The following MTUS2 variants were observed in gnomAD, a reference collection of about 807,000 sequenced individuals.
The protein encoded by MTUS2 is microtubule-associated tumor suppressor candidate 2.
MTUS2 carries 40 observed loss-of-function variants against 114.1 expected under a neutral mutation model. The ratio of observed to expected loss-of-function variants is 0.35; its 90% confidence interval spans 0.27 to 0.46. The LOEUF is 0.46. MTUS2 is among the 20% of genes least tolerant of loss of function. MTUS2 has a pLI of 1.00. For missense variants in MTUS2, 1,679 were observed against 1,705.4 expected, an observed-to-expected ratio of 0.98 and a Z score of 0.27; for synonymous variants, 688 against 672.0, an observed-to-expected ratio of 1.02 and a Z score of -0.37.
intron 7 of MTUS2, among the ~76,000 whole-genome samples, chr13:29,339,220 C>A (rs1158668140): frequency 1.3e-5 from 2 of 152,152 alleles, no homozygotes; most frequent in Non-Finnish European, 2.9e-5. Flanking sequence ...CGGCGTACTT[C>A]CTGCAGTAGG....
intron 4 of MTUS2, among the ~76,000 whole-genome samples, chr13:29,059,626 G>C (rs1480964848): frequency 6.6e-6 from 1 of 152,186 alleles, no homozygotes; most frequent in Admixed American, 6.5e-5. Context: ...CAAGGCAATA[G>C]GAGGCTGTGC....
intron 2 of MTUS2, among the ~76,000 whole-genome samples, chr13:28,930,164 C>T (rs1881538675): frequency 6.6e-6 from 1 of 152,214 alleles, no homozygotes; most frequent in Admixed American, 6.5e-5. Context: ...TCTTTAGCCT[C>T]ACATAGTAAA....
At chr13:29,222,506 T>C (rs570721801) in intron 5 of MTUS2, among the ~76,000 whole-genome samples, 5 of 152,384 alleles carry the variant, frequency 3.3e-5, no homozygotes, top group Admixed American at 6.5e-5. Context: ...TCTTTTCTTT[T>C]TCAAGTGAAT....
intron 5 of MTUS2, among the ~76,000 whole-genome samples, chr13:29,126,207 C>T (rs975481890): frequency 2.0e-5 from 3 of 152,138 alleles, no homozygotes; most frequent in Admixed American, 6.6e-5. Context: ...TGAGAACCCA[C>T]GGGGAGGAGG....
chr13:29,155,520 G>A (rs1892823052), intron 5 of MTUS2, among the ~76,000 whole-genome samples: 1 of 152,168 alleles, frequency 6.6e-6, no homozygotes, highest in African/African-American at 2.4e-5. Flanking sequence ...AGAGCAGGGT[G>A]GAGAGAAAGT....
chr13:29,457,224 G>T (rs1477358703), intron 9 of MTUS2, among the ~76,000 whole-genome samples: 1 of 151,794 alleles, frequency 6.6e-6, no homozygotes, highest in Non-Finnish European at 1.5e-5. Context: ...TTTGGGCTAT[G>T]AATACATCTA....
chr13:28,977,936 C>T (rs1475117), intron 2 of MTUS2, among the ~76,000 whole-genome samples: 26,654 of 152,174 alleles, frequency 0.18, 2,886 homozygotes, highest in East Asian at 0.51. Context: ...GTAATACATA[C>T]ACTGTCTCTT....
intron 2 of MTUS2, among the ~76,000 whole-genome samples, chr13:29,007,829 A>T (rs9506074): frequency 1.3e-5 from 2 of 152,136 alleles, no homozygotes; most frequent in African/African-American, 4.8e-5. Flanking sequence ...TGTTTATGTT[A>T]TCCATAAGGC....
intron 2 of MTUS2, among the ~76,000 whole-genome samples, chr13:28,974,164 G>A (rs1263648500): frequency 5.3e-5 from 8 of 152,192 alleles, no homozygotes; most frequent in South Asian, 2.1e-4. Flanking sequence ...GTAAGTTTCC[G>A]TGGTGGGCTC....
intron 5 of MTUS2, among the ~76,000 whole-genome samples, chr13:29,134,875 C>T (rs768028972): frequency 2.0e-5 from 3 of 152,160 alleles, no homozygotes; most frequent in Non-Finnish European, 4.4e-5. Flanking sequence ...TGTGAGCCAC[C>T]GTACCCGGCC....
In MTUS2 at chr13:29,492,635, CT is replaced by C; in HGVS notation, c.3506-9del. On this transcript the variant is annotated splice_polypyrimidine_tract_variant and intron_variant, in intron 11 of 15. Transcript: ENST00000612955. Reference sequence around the variant, plus strand: ...AAAGACCAACTTGACAATTTAATGTCTTCTTTCCAGAATTGATGTCCACTCA... The same window carrying C: ...AAAGACCAACTTGACAATTTAATGTCTCTTTCCAGAATTGATGTCCACTCA... 1 of 1,609,394 alleles carries C rather than the reference CT, an allele frequency of 6.2e-7. No individual in the cohort carries two copies. The highest frequency in any genetic ancestry group is 1.1e-5 in the South Asian group (1 of 90,880).
intron 2 of MTUS2, among the ~76,000 whole-genome samples, chr13:29,002,163 A>G (rs768028860): frequency 2.6e-5 from 4 of 152,168 alleles, no homozygotes; most frequent in African/African-American, 9.7e-5. Context: ...GAATGCAGTG[A>G]AGATATTGAG....
chr13:29,020,288 C>G lies in MTUS2; in HGVS notation c.-242-4169C>G, dbSNP rs982947561. ...CTCACTCTGGGAAAATGCACCTCAA[C>G]TAGGGGTTTGTACCATTGGTTGACC... On this transcript the variant is annotated intron_variant, in intron 2 of 15. Transcript: ENST00000612955. 2.0e-5 allele frequency among the ~76,000 whole-genome samples: 3 copies of G among 152,304 alleles called. No individual in the cohort carries two copies. The East Asian group carries it at 5.8e-4, about 29-fold the overall frequency.
rs1242661219 is a variant in MTUS2, at chr13:29,025,791, A to C, written c.1093A>C (p.Asn365His). 6.2e-7 allele frequency: 1 copy of C among 1,613,978 alleles called. No homozygotes were observed. Among genetic ancestry groups the C allele is most frequent in the Admixed American group, 1.7e-5 (1 of 60,024 alleles). Residue 365 changes from asparagine (N) to histidine (H), a missense_variant, in exon 3 of 16, where the codon AAC becomes CAC. Around this residue, in one of 3 missense-constraint regions of MTUS2, gnomAD observed 843 missense variants for 770.8 expected, o/e 1.09. Coordinates refer to ENST00000612955, the MANE Select transcript of MTUS2 (RefSeq NM_001033602.4). ...CACCGATGCACTTGGCCATCTGCTG[A>C]ACAGTGACCTCCACCACCTTGGGGT... is the stretch of plus-strand genomic sequence containing the variant. ...EATDALGHLL[N>H]SDLHHLGVGR...
chr13:29,306,291 A>G (rs1235058673), intron 6 of MTUS2, among the ~76,000 whole-genome samples: 2 of 152,218 alleles, frequency 1.3e-5, no homozygotes, highest in Non-Finnish European at 2.9e-5. Context: ...TAGCCAGGGC[A>G]ATCAGGCAAG....
chr13:28,907,776 A>C lies in MTUS2; in HGVS notation c.-243+67926A>C, dbSNP rs1593290385. ...CGCAAGTACTGAGTGACCTACAAAG[A>C]GACTTAGACTCCCACACAATAATAA... On this transcript the variant is annotated intron_variant, in intron 2 of 15. Transcript: ENST00000612955. 2.0e-5 allele frequency among the ~76,000 whole-genome samples: 3 copies of C among 151,732 alleles called. No individual in the cohort carries two copies. The South Asian group carries it at 6.3e-4, about 32-fold the overall frequency.
intron 2 of MTUS2, among the ~76,000 whole-genome samples, chr13:28,949,918 C>A (rs1882725681): frequency 1.3e-5 from 2 of 152,342 alleles, no homozygotes; most frequent in South Asian, 4.1e-4. Context: ...CATCCATGTA[C>A]AAATATTTCT....
chr13:29,259,905 A>G (rs953180808), intron 5 of MTUS2, among the ~76,000 whole-genome samples: 2 of 152,172 alleles, frequency 1.3e-5, no homozygotes, highest in Non-Finnish European at 2.9e-5. Flanking sequence ...GATGTTACAA[A>G]TGAGAACACA....
intron 2 of MTUS2, among the ~76,000 whole-genome samples, chr13:28,995,528 A>G (rs906595560): frequency 1.3e-5 from 2 of 152,118 alleles, no homozygotes; most frequent in African/African-American, 2.4e-5. Flanking sequence ...CTTCCTACCC[A>G]TGAGCATGGA....
Sources: allele counts gnomAD v4.1 joint callset (sites outside exome capture counted in the v4.1 genomes callset), GRCh38; gene constraint gnomAD v4.1.1; regional missense constraint gnomAD v4.1.1; transcripts MANE v1.5; gene names NCBI Gene and HGNC (gene_info 2026-07-23, HGNC 2026-07-21).